The following MRPS9 variants were observed in gnomAD, a reference collection of about 807,000 sequenced individuals.
MRPS9 encodes the protein small ribosomal subunit protein uS9m.
MRPS9 carries 45 observed loss-of-function variants against 59.9 expected under a neutral mutation model. The observed-to-expected ratio is 0.75, with a 90% CI of 0.59 to 0.96. The LOEUF (loss-of-function observed/expected upper bound fraction) is 0.96. Ranked by LOEUF, MRPS9 falls within the 40% of genes least tolerant of loss-of-function variation. MRPS9 has a pLI of 0.00. For missense variants in MRPS9, 473 were observed against 481.1 expected (o/e 0.98, Z 0.16); for synonymous variants, 171 against 166.8 (o/e 1.03, Z -0.19).
At chr2:105,095,498 CTT>C (rs1178730252) in intron 9 of MRPS9, among the ~76,000 whole-genome samples, 6 of 122,538 alleles carry the variant, frequency 4.9e-5, no homozygotes, top group Admixed American at 8.3e-5. Context: ...TTTTTTTTTT[CTT>C]TTTTTTTTTT....
intron 2 of MRPS9, among the ~76,000 whole-genome samples, chr2:105,067,096 C>G (rs1420502386): frequency 6.6e-6 from 1 of 152,058 alleles, no homozygotes; most frequent in East Asian, 1.9e-4. Flanking sequence ...AAACTTAACC[C>G]CCAAATACAT....
intron 1 of MRPS9, among the ~76,000 whole-genome samples, chr2:105,046,637 C>T (rs1679601221): frequency 6.7e-6 from 1 of 150,330 alleles, no homozygotes; most frequent in African/African-American, 2.4e-5. Flanking sequence ...GGAATCCCTT[C>T]AGTGAAAGGA....
In MRPS9 at chr2:105,052,784, A is replaced by T. The variant is rs1411589261; in HGVS notation, c.315+3434A>T. Among the ~76,000 whole-genome samples the T allele has an allele frequency of 2.6e-5, 4 of 151,978 alleles. 1 individual carries two copies. The highest frequency in any genetic ancestry group is 6.3e-3 in the Middle Eastern group (2 of 316). ...GAGTTGTTGTTGTTGGGTTTTTTTA[A>T]ATGCTTACTTTTTAAAATGGTCCTA... On this transcript the variant is annotated intron_variant, in intron 2 of 10. Coordinates refer to ENST00000258455, the MANE Select transcript of MRPS9 (RefSeq NM_182640.3).
intron 2 of MRPS9, among the ~76,000 whole-genome samples, chr2:105,051,671 C>T (rs1051852750): frequency 2.0e-5 from 3 of 152,276 alleles, no homozygotes; most frequent in Middle Eastern, 3.4e-3. Flanking sequence ...GATCTCTGAA[C>T]ATGGGGTGTC....
At chr2:105,066,773 C>T (rs772205061) in intron 2 of MRPS9, among the ~76,000 whole-genome samples, 1 of 152,076 alleles carries the variant, frequency 6.6e-6, no homozygotes, top group Non-Finnish European at 1.5e-5. Context: ...GCCAACCAGC[C>T]TTGGGCTGCC....
rs1305231101 is a variant in MRPS9 at position 105,071,379 on chromosome 2, GTTATC to G, written c.378+8_378+12del. ...ACGAGCCAGGCCAGTAATGAAGGTAGTTATCTTAATTACTATTTTAAAAATTTCAC... is the reference window on the plus strand; with the variant it reads ...ACGAGCCAGGCCAGTAATGAAGGTAGTTAATTACTATTTTAAAAATTTCAC... On this transcript the variant is annotated splice_donor_5th_base_variant and intron_variant, in intron 3 of 10. Transcript: ENST00000258455. The G allele has an allele frequency of 6.2e-7, 1 of 1,605,822 alleles. No individual in the cohort carries two copies.
intron 5 of MRPS9, among the ~76,000 whole-genome samples, chr2:105,081,140 G>T (rs1201829760): frequency 6.6e-6 from 1 of 152,204 alleles, no homozygotes; most frequent in Non-Finnish European, 1.5e-5. Flanking sequence ...CCGCCGGTTT[G>T]ATCTGTGGTA....
intron 1 of MRPS9, among the ~76,000 whole-genome samples, chr2:105,041,727 T>C (rs1040925228): frequency 2.0e-5 from 3 of 152,202 alleles, no homozygotes; most frequent in African/African-American, 7.2e-5. Context: ...AGTTATGCCC[T>C]ACCCCGATAA....
intron 2 of MRPS9, among the ~76,000 whole-genome samples, chr2:105,063,014 A>C (rs1461243490): frequency 6.6e-6 from 1 of 152,244 alleles, no homozygotes; most frequent in Non-Finnish European, 1.5e-5. Flanking sequence ...ACAATTAAAA[A>C]CACCTGAAGA....
At chr2:105,075,422 T>C (rs1287560590) in intron 4 of MRPS9, among the ~76,000 whole-genome samples, 1 of 152,262 alleles carries the variant, frequency 6.6e-6, no homozygotes, top group East Asian at 1.9e-4. Context: ...CTGCAGAAGT[T>C]ATAAAGGAGC....
Position 105,049,174 on chromosome 2 carries a change from T to C in MRPS9, c.139T>C (p.Leu47=), listed in dbSNP as rs745887098. 5.7e-6 allele frequency: 9 copies of C among 1,571,694 alleles called. No homozygotes were observed. Among genetic ancestry groups the C allele is most frequent in the Admixed American group, 2.0e-5 (1 of 50,682 alleles). The change falls in exon 2 of 11, where the codon TTA becomes CTA. Residue 47 remains leucine, a synonymous_variant. Transcript: ENST00000258455. ...TTCCATCTATATTTTCTGTTAGATA[T>C]TAAGGCTAAGACATACTGCATTTGT... ...ELQTNVRSQI[L]RLRHTAFVIP...
chr2:105,060,154 A>T (rs950938283), intron 2 of MRPS9, among the ~76,000 whole-genome samples: 2 of 152,024 alleles, frequency 1.3e-5, no homozygotes, highest in African/African-American at 4.8e-5. Flanking sequence ...TTTGTGAAGT[A>T]GCCCTATTAC....
chr2:105,062,955 G>A (rs1469196451), intron 2 of MRPS9, among the ~76,000 whole-genome samples: 1 of 152,172 alleles, frequency 6.6e-6, no homozygotes, highest in Non-Finnish European at 1.5e-5. Flanking sequence ...ATAATACTTG[G>A]AAGTATAAGT....
chr2:105,080,773 C>A (rs1680313821), intron 5 of MRPS9, among the ~76,000 whole-genome samples: 1 of 152,070 alleles, frequency 6.6e-6, no homozygotes, highest in African/African-American at 2.4e-5. Context: ...TTGGGCTTCC[C>A]CCATCTACAG....
At chr2:105,073,568 G>A (rs1448200156) in intron 4 of MRPS9, among the ~76,000 whole-genome samples, 13 of 152,068 alleles carry the variant, frequency 8.5e-5, no homozygotes, top group Admixed American at 7.2e-4. Flanking sequence ...CACTTATAGT[G>A]TACTAACACT....
At chr2:105,049,515 T>TG (rs1216005543) in intron 2 of MRPS9, among the ~76,000 whole-genome samples, 165 bp downstream of exon 2, 1 of 152,178 alleles carries the variant, frequency 6.6e-6, no homozygotes, top group African/African-American at 2.4e-5. Flanking sequence ...CAAAGACAAA[T>TG]GTGCAGGATT....
chr2:105,084,247 A>AAT (rs58438490), intron 5 of MRPS9, among the ~76,000 whole-genome samples: 32,957 of 139,404 alleles, frequency 0.24, 4,185 homozygotes, highest in South Asian at 0.38. Context: ...TATATACCAA[A>AAT]ATATATATAT....
intron 2 of MRPS9, among the ~76,000 whole-genome samples, chr2:105,066,786 G>A (rs777788565): frequency 2.6e-5 from 4 of 152,076 alleles, no homozygotes; most frequent in African/African-American, 7.2e-5. Flanking sequence ...GGGCTGCCCT[G>A]TATGACTGAG....
At chr2:105,070,391 T>C (rs1680091238) in intron 2 of MRPS9, among the ~76,000 whole-genome samples, 1 of 152,202 alleles carries the variant, frequency 6.6e-6, no homozygotes, top group African/African-American at 2.4e-5. Context: ...CCCCAAATTA[T>C]AGACCTCTCC....
Sources: gnomAD v4.1 joint callset for allele counts (sites outside exome capture counted in the v4.1 genomes callset) on GRCh38, gnomAD v4.1.1 for gene constraint, MANE v1.5 for transcripts, NCBI Gene and HGNC (gene_info 2026-07-23, HGNC 2026-07-21) for gene names.